CHD9: variants seen among roughly 807,000 people sequenced by gnomAD.
CHD9 encodes chromodomain helicase DNA binding protein 9.
Under a neutral mutation model 316.1 loss-of-function variants are expected in CHD9, and 77 were observed. That is an observed-to-expected ratio of 0.24 (90% CI 0.20 to 0.29). The LOEUF is 0.29. Among genes scored for constraint, CHD9 ranks in the 10% least tolerant of loss-of-function variants. The probability of loss-of-function intolerance (pLI) is 1.00; values close to 1 mark genes in which losing one functional copy is unlikely to be tolerated. For missense variants in CHD9, 2,763 were observed against 3,438.1 expected, an observed-to-expected ratio of 0.80 and a Z score of 4.91; for synonymous variants, 1,129 against 1,158.3, an observed-to-expected ratio of 0.97 and a Z score of 0.51.
At chr16:53,187,087 G>C (rs116012718) in intron 2 of CHD9, among the ~76,000 whole-genome samples, 1 of 152,178 alleles carries the variant, frequency 6.6e-6, no homozygotes, top group Non-Finnish European at 1.5e-5. Flanking sequence ...TAATGACTAG[G>C]TGGAGAAGGT....
chr16:53,148,376 G>A (rs754341439), intron 1 of CHD9, among the ~76,000 whole-genome samples: 8 of 152,154 alleles, frequency 5.3e-5, no homozygotes, highest in Non-Finnish European at 1.2e-4. Context: ...TGAGTAGCTG[G>A]GACTACAGGC....
In CHD9 at chr16:53,157,004, T is replaced by A; in HGVS notation, c.915T>A (p.Phe305Leu). 1 of 1,612,744 alleles carries A rather than the reference T, an allele frequency of 6.2e-7. No homozygotes were observed. Among genetic ancestry groups the A allele is most frequent in the Non-Finnish European group, 8.5e-7 (1 of 1,179,370 alleles). The change falls in exon 2 of 39, where the codon TTT (phenylalanine) becomes TTA (leucine). Residue 305 changes from phenylalanine (F) to leucine (L), a missense_variant. Physicochemically the swap from Phe to Leu is conservative, Grantham distance 22. Transcript: ENST00000447540. Reference protein sequence around the residue: ...SNHTNQTLSDFTGSNSFSPHR... With the variant: ...SNHTNQTLSDLTGSNSFSPHR... ...ATACAAATCAGACTTTATCTGATTT[T>A]ACTGGAAGTAATTCCTTTTCACCTC...
chr16:53,281,324 A>G (rs933672671), intron 24 of CHD9, among the ~76,000 whole-genome samples: 1 of 152,066 alleles, frequency 6.6e-6, no homozygotes, highest in African/African-American at 2.4e-5. Flanking sequence ...TAAATATACA[A>G]CCCATTGCTC....
chr16:53,192,125 A>G (rs2044530375), intron 2 of CHD9, among the ~76,000 whole-genome samples: 1 of 151,902 alleles, frequency 6.6e-6, no homozygotes, highest in Admixed American at 6.5e-5. Context: ...TAAAAGAGGT[A>G]TATGTGCCTG....
intron 1 of CHD9, among the ~76,000 whole-genome samples, chr16:53,143,908 C>T (rs541539587): frequency 6.6e-5 from 10 of 152,072 alleles, no homozygotes; most frequent in Admixed American, 2.0e-4. Flanking sequence ...AATGTAATGA[C>T]CTTTTTCAGC....
chr16:53,323,969 C>G, intron 38 of CHD9, 51 bp from the exon 39 acceptor site: 3 of 1,440,622 alleles, frequency 2.1e-6, no homozygotes, highest in South Asian at 1.3e-5. Context: ...GCTAATAACT[C>G]TTTATTTTAT....
intron 1 of CHD9, among the ~76,000 whole-genome samples, chr16:53,103,844 G>A (rs1319587834): frequency 6.6e-6 from 1 of 152,142 alleles, no homozygotes; most frequent in Non-Finnish European, 1.5e-5. Flanking sequence ...GGTGAGTAAG[G>A]CAGCTTTTAT....
At chr16:53,273,086 C>CA (rs35764863) in intron 22 of CHD9, among the ~76,000 whole-genome samples, 5 of 136,484 alleles carry the variant, frequency 3.7e-5, no homozygotes, top group African/African-American at 1.4e-4. Flanking sequence ...GACTCTGTCT[C>CA]AAAAAAAACA....
At chr16:53,271,908 G>A (rs1056079643) in intron 22 of CHD9, among the ~76,000 whole-genome samples, 2 of 151,942 alleles carry the variant, frequency 1.3e-5, no homozygotes, top group Non-Finnish European at 2.9e-5. Flanking sequence ...GTACTATTTC[G>A]AACCAACAAG....
intron 29 of CHD9, among the ~76,000 whole-genome samples, chr16:53,294,196 G>A (rs1158881244): frequency 6.6e-6 from 1 of 152,158 alleles, no homozygotes; most frequent in East Asian, 1.9e-4. Flanking sequence ...AAGGAATAGA[G>A]TACATGGAAA....
rs35052198 is a variant in CHD9 at position 53,088,275 on chromosome 16, C to CTTTTTTTTTTTTTTTT, written c.-165+33201_-165+33202insTTTTTTTTTTTTTTTT. Among the ~76,000 whole-genome samples the CTTTTTTTTTTTTTTTT allele has an allele frequency of 4.7e-5, 6 of 127,050 alleles. 1 individual carries two copies. The highest frequency in any genetic ancestry group is 8.3e-5 in the Admixed American group (1 of 11,980). The allele number at this position is 127,050 out of a possible 152,430, so 83.3% of individuals were successfully genotyped here. On this transcript the variant is annotated intron_variant, in intron 1 of 38. Coordinates refer to ENST00000447540, the MANE Select transcript of CHD9 (RefSeq NM_001308319.2). ...CTGTAATCAAGGAAAATGACATGCA[C>CTTTTTTTTTTTTTTTT]TTTGTTTTTTTTTTTTTTTTGAGAT...
At chr16:53,201,301 A>T (rs2045433965) in intron 2 of CHD9, among the ~76,000 whole-genome samples, 3 of 152,230 alleles carry the variant, frequency 2.0e-5, no homozygotes, top group Non-Finnish European at 4.4e-5. Flanking sequence ...ACTAATGTAA[A>T]ATAGATTAAA....
At chr16:53,293,134 G>A (rs1414521035) in intron 29 of CHD9, 82 bp downstream of exon 29, 24 of 1,205,576 alleles carry the variant, frequency 2.0e-5, no homozygotes, top group Non-Finnish European at 2.5e-5. Flanking sequence ...CAATTATCAC[G>A]CTTTGTGGAA....
At chr16:53,178,850 C>T (rs980880570) in intron 2 of CHD9, among the ~76,000 whole-genome samples, 7 of 152,064 alleles carry the variant, frequency 4.6e-5, no homozygotes, top group South Asian at 2.1e-4. Flanking sequence ...GGATTCTGGA[C>T]TTTAAATTGA....
At chr16:53,116,207 A>T (rs941854928) in intron 1 of CHD9, among the ~76,000 whole-genome samples, 4 of 152,150 alleles carry the variant, frequency 2.6e-5, no homozygotes, top group Admixed American at 6.6e-5. Context: ...TTACAGGCGC[A>T]TGCCACTACA....
At chr16:53,161,349 C>T (rs1441458971) in intron 2 of CHD9, among the ~76,000 whole-genome samples, 1 of 152,080 alleles carries the variant, frequency 6.6e-6, no homozygotes, top group Non-Finnish European at 1.5e-5. Flanking sequence ...GACTTTTTTA[C>T]CTATATAATT....
intron 2 of CHD9, among the ~76,000 whole-genome samples, chr16:53,177,405 G>T (rs982889663): frequency 6.6e-6 from 1 of 151,794 alleles, no homozygotes; most frequent in Non-Finnish European, 1.5e-5. Flanking sequence ...GATCTGAAAG[G>T]GAAAAAAACG....
At chr16:53,248,700 T>G (rs1427767594) in intron 16 of CHD9, among the ~76,000 whole-genome samples, 1 of 151,790 alleles carries the variant, frequency 6.6e-6, no homozygotes, top group Non-Finnish European at 1.5e-5. Flanking sequence ...TAATTTATTT[T>G]GGGTAGAGAC....
chr16:53,217,912 T>TTTTCTTTC (rs138448097), intron 3 of CHD9, among the ~76,000 whole-genome samples: 2,184 of 144,224 alleles, frequency 0.015, 23 homozygotes, highest in Admixed American at 0.032. Context: ...GCTTATACTC[T>TTTTCTTTC]TTTCTTTCTT....
Sources: allele counts gnomAD v4.1 joint callset (sites outside exome capture counted in the v4.1 genomes callset), GRCh38; gene constraint gnomAD v4.1.1; transcripts MANE v1.5; gene names NCBI Gene and HGNC (gene_info 2026-07-23, HGNC 2026-07-21).